HIVEP3: variants seen among roughly 807,000 people sequenced by gnomAD.
HIVEP3 encodes HIVEP zinc finger 3.
In HIVEP3, 49 loss-of-function variants were observed where a neutral mutation model predicts 152.8. The ratio of observed to expected loss-of-function variants is 0.32; its 90% CI spans 0.26 to 0.41. The LOEUF is 0.41. HIVEP3 is among the 10% of genes least tolerant of loss of function. HIVEP3 has a pLI of 1.00. For synonymous variants in HIVEP3, 1,269 were observed against 1,289.0 expected (o/e 0.98, Z 0.33); for missense variants, 2,790 against 3,103.3 (o/e 0.90, Z 2.40).
rs1207367989 is a variant in HIVEP3, at chr1:41,511,097, C to T, written c.6575G>A (p.Cys2192Tyr). Residue 2192 changes from cysteine (C) to tyrosine (Y), a missense_variant, in exon 9 of 9, where the codon TGT (cysteine) becomes TAT (tyrosine). Physicochemically the swap from Cys to Tyr is radical, Grantham distance 194. This residue lies in a region of HIVEP3 where 816 missense variants were observed against 806.5 expected (regional missense o/e 1.01). Coordinates refer to ENST00000372583, the MANE Select transcript of HIVEP3 (RefSeq NM_024503.5). The surrounding 1 kb of genome is among the most constrained non-coding windows in gnomAD (Gnocchi z 4.9). Reference protein sequence around the residue: ...LHSQHLTRAPCPLIPIGGIQM... With the variant: ...LHSQHLTRAPYPLIPIGGIQM... ...GATCCCACCGATGGGAATCAAGGGA[C>T]ATGGGGCACGGGTCAAGTGCTGGGA... 1 of 1,614,188 alleles carries T rather than the reference C, an allele frequency of 6.2e-7. No individual in the cohort carries two copies. Among genetic ancestry groups the T allele is most frequent in the South Asian group, 1.1e-5 (1 of 91,084 alleles).
At chr1:41,692,135 C>T (rs1023327432) in intron 2 of HIVEP3, among the ~76,000 whole-genome samples, 3 of 152,172 alleles carry the variant, frequency 2.0e-5, no homozygotes, top group Non-Finnish European at 4.4e-5. Context: ...CGAGCCACTG[C>T]GCCCAGTGTG....
intron 1 of HIVEP3, among the ~76,000 whole-genome samples, chr1:41,961,473 T>C (rs1011049928): frequency 1.3e-5 from 2 of 152,264 alleles, no homozygotes; most frequent in Non-Finnish European, 2.9e-5. Flanking sequence ...CTTGTATTTC[T>C]GCCATCACAA....
chr1:41,625,701 C>T (rs1645107727), intron 3 of HIVEP3, among the ~76,000 whole-genome samples: 1 of 152,160 alleles, frequency 6.6e-6, no homozygotes, highest in South Asian at 2.1e-4. Flanking sequence ...CACCACTATA[C>T]TCTAGCCTGG....
intron 2 of HIVEP3, among the ~76,000 whole-genome samples, chr1:41,682,976 G>A (rs1646063380): frequency 6.6e-6 from 1 of 152,232 alleles, no homozygotes; most frequent in African/African-American, 2.4e-5. Flanking sequence ...ACCATGGAAG[G>A]AATGACATCT....
chr1:41,917,894 A>C (rs1644895476), intron 1 of HIVEP3, among the ~76,000 whole-genome samples: 1 of 152,134 alleles, frequency 6.6e-6, no homozygotes, highest in Admixed American at 6.5e-5. Flanking sequence ...CATCATACGA[A>C]TCTCACTCTC....
At chr1:41,868,849 GT>G (rs1644029594) in intron 1 of HIVEP3, among the ~76,000 whole-genome samples, 1 of 152,216 alleles carries the variant, frequency 6.6e-6, no homozygotes, top group Non-Finnish European at 1.5e-5. Context: ...TCGTAAGACT[GT>G]TGTAAGGCTT....
intron 1 of HIVEP3, among the ~76,000 whole-genome samples, chr1:41,796,714 C>T (rs1030203861): frequency 2.6e-5 from 4 of 152,186 alleles, no homozygotes; most frequent in African/African-American, 4.8e-5. Context: ...AGATTTTCTA[C>T]AATAAACATG....
intron 2 of HIVEP3, among the ~76,000 whole-genome samples, chr1:41,663,528 A>G (rs140533925): frequency 1.6e-3 from 244 of 152,344 alleles, no homozygotes; most frequent in African/African-American, 5.7e-3. Flanking sequence ...CTCTAGGCCC[A>G]AAGGGCGGAT....
intron 1 of HIVEP3, among the ~76,000 whole-genome samples, chr1:41,810,633 C>T (rs1035464922): frequency 1.3e-5 from 2 of 152,188 alleles, no homozygotes; most frequent in East Asian, 1.9e-4. Context: ...TGCCTCAGCC[C>T]TTTGGAACCC....
intron 2 of HIVEP3, among the ~76,000 whole-genome samples, chr1:41,645,073 A>G (rs2123995696): frequency 6.6e-6 from 1 of 152,240 alleles, no homozygotes; most frequent in East Asian, 1.9e-4. Context: ...TCCAGAGAAC[A>G]GGCAATACTG....
intron 1 of HIVEP3, among the ~76,000 whole-genome samples, chr1:41,803,084 C>T (rs1363083627): frequency 5.3e-5 from 8 of 152,216 alleles, no homozygotes; most frequent in Non-Finnish European, 1.5e-5. Context: ...GGTGAGGCCA[C>T]CTCCCTCCAG....
rs1343601131 is a variant in HIVEP3 at position 41,575,199 on chromosome 1, A to G, written c.5207+345T>C. Among the ~76,000 whole-genome samples, 5 of 152,236 alleles carry G rather than the reference A, an allele frequency of 3.3e-5. No homozygotes were observed. In the East Asian group the frequency reaches 7.7e-4, roughly 23 times the overall value. ...TTGGAGAATACATGTCAAGAGAGAC[A>G]GAAGTCTGGACATTTGCTGGGATAC... On this transcript the variant is annotated intron_variant, in intron 5 of 8. Transcript: ENST00000372583.
chr1:42,021,163 T>A (rs775517071), intron 1 of HIVEP3, among the ~76,000 whole-genome samples: 2 of 151,996 alleles, frequency 1.3e-5, no homozygotes, highest in African/African-American at 4.8e-5. Flanking sequence ...GAATAGACCA[T>A]AAGGGGGAAA....
intron 1 of HIVEP3, among the ~76,000 whole-genome samples, chr1:41,944,499 G>T (rs1645064398): frequency 6.6e-6 from 1 of 152,122 alleles, no homozygotes; most frequent in Non-Finnish European, 1.5e-5. Flanking sequence ...AAGAACTGTT[G>T]TTTATGGGAA....
rs1326857722 is a variant in HIVEP3 at position 41,810,485 on chromosome 1, A to G, written c.-801+107928T>C. ...TTAGGTCCCTTGCCCCCCATCCACC[A>G]TCTCCTAGTCCCTGGGACCTCCATC... is the stretch of plus-strand genomic sequence containing the variant. On this transcript the variant is annotated intron_variant, in intron 1 of 8. Coordinates refer to ENST00000372583, the MANE Select transcript of HIVEP3 (RefSeq NM_024503.5). Among the ~76,000 whole-genome samples the G allele has an allele frequency of 2.0e-5, 3 of 152,248 alleles. No individual in the cohort carries two copies. In the East Asian group the frequency reaches 5.8e-4, roughly 29 times the overall value.
Position 41,871,787 on chromosome 1 carries a change from C to T in HIVEP3, c.-801+46626G>A, listed in dbSNP as rs549364896. 2.0e-5 allele frequency among the ~76,000 whole-genome samples: 3 copies of T among 152,152 alleles called. No homozygotes were observed. In the East Asian group the frequency reaches 5.8e-4, roughly 29 times the overall value. ...AACCTTCAATGAGTTAACAGGAACC[C>T]GTAGATAAAAGACAAGAATAGGGCT... On this transcript the variant is annotated intron_variant, in intron 1 of 8. Coordinates refer to ENST00000372583, the MANE Select transcript of HIVEP3 (RefSeq NM_024503.5).
intron 5 of HIVEP3, among the ~76,000 whole-genome samples, chr1:41,553,011 G>C (rs1226172963): frequency 6.6e-6 from 1 of 152,184 alleles, no homozygotes; most frequent in Non-Finnish European, 1.5e-5. Context: ...ATGTCTATTA[G>C]GTCCGCTTGG....
chr1:41,809,704 T>C (rs1650834876), intron 1 of HIVEP3, among the ~76,000 whole-genome samples: 1 of 152,212 alleles, frequency 6.6e-6, no homozygotes, highest in Non-Finnish European at 1.5e-5. Context: ...TCCCAGATGA[T>C]CTAGGCCATA....
intron 2 of HIVEP3, among the ~76,000 whole-genome samples, chr1:41,646,887 G>C (rs1645469101): frequency 6.6e-6 from 1 of 152,200 alleles, no homozygotes. Flanking sequence ...GGTGTTAACA[G>C]GGCTGCATTG....
Sources: gnomAD v4.1 joint callset for allele counts (sites outside exome capture counted in the v4.1 genomes callset) on GRCh38, gnomAD v4.1.1 for gene constraint, gnomAD v4.1.1 regional missense constraint, Gnocchi (gnomAD v3.1) non-coding constraint, MANE v1.5 for transcripts, NCBI Gene and HGNC (gene_info 2026-07-23, HGNC 2026-07-21) for gene names.